USH2A: variants seen among roughly 807,000 people sequenced by gnomAD.
USH2A encodes Usher syndrome 2A (autosomal recessive, mild).
USH2A carries 443 observed loss-of-function variants against 538.9 expected under a neutral mutation model. That is an observed-to-expected ratio of 0.82 (90% CI 0.76 to 0.89). The LOEUF (loss-of-function observed/expected upper bound fraction) is 0.89. USH2A is among the 40% of genes least tolerant of loss of function. The pLI is 0.00. For synonymous variants in USH2A, 2,413 were observed against 2,273.5 expected, an observed-to-expected ratio of 1.06 and a Z score of -1.75; for missense variants, 6,633 against 6,324.8, an observed-to-expected ratio of 1.05 and a Z score of -1.65.
At position 216,246,671 on chromosome 1, in the gene USH2A, A is replaced by G; in HGVS notation, c.2723T>C (p.Leu908Ser). 3.7e-6 allele frequency: 6 copies of G among 1,614,138 alleles called. No individual in the cohort carries two copies. Among genetic ancestry groups the G allele is most frequent in the Non-Finnish European group, 5.1e-6 (6 of 1,179,982 alleles). ...QMCECDSLGT[L>S]PGTICDPISG... Reference sequence around the variant, plus strand: ...GATTGGGTCACAAATGGTCCCAGGTAATGTCCCCAAGGAATCACACTCACA... The same window carrying G: ...GATTGGGTCACAAATGGTCCCAGGTGATGTCCCCAAGGAATCACACTCACA... Residue 908 changes from leucine to serine, a missense_variant, in exon 13 of 72, where the codon TTA becomes TCA. Physicochemically the swap from Leu to Ser is moderately radical, Grantham distance 145. Coordinates refer to ENST00000307340, the MANE Select transcript of USH2A (RefSeq NM_206933.4).
At chr1:216,287,548 C>G (rs1375466062) in intron 11 of USH2A, among the ~76,000 whole-genome samples, 1 of 150,984 alleles carries the variant, frequency 6.6e-6, no homozygotes, top group Non-Finnish European at 1.5e-5. Context: ...TTTTCTTAGT[C>G]AGTTGTTAAT....
rs555196227 is a variant in USH2A, at chr1:216,343,234, T to C, written c.785-15580A>G. ...AAAAAATTCTAATATGATATCAAAG[T>C]AATAATCCTCATTATTTTCAAAACA... On this transcript the variant is annotated intron_variant, in intron 4 of 71. Coordinates refer to ENST00000307340, the MANE Select transcript of USH2A (RefSeq NM_206933.4). Among the ~76,000 whole-genome samples, 138 of 152,034 alleles carry C rather than the reference T, an allele frequency of 9.1e-4. 1 individual carries two copies. Among genetic ancestry groups the C allele is most frequent in the African/African-American group, 3.2e-3 (132 of 41,514 alleles).
intron 3 of USH2A, among the ~76,000 whole-genome samples, chr1:216,391,930 A>T (rs140037302): frequency 6.6e-6 from 1 of 152,114 alleles, no homozygotes; most frequent in African/African-American, 2.4e-5. Context: ...ACTGCTTGTG[A>T]TGCTCTGCTT....
chr1:215,895,412 A>G (rs745922231), intron 40 of USH2A, among the ~76,000 whole-genome samples: 7 of 152,188 alleles, frequency 4.6e-5, no homozygotes, highest in Non-Finnish European at 1.0e-4. Context: ...CAAGAAGGAA[A>G]ACTTCACAGA....
Position 216,070,124 on chromosome 1 carries a change from A to G in USH2A, c.6026T>C (p.Phe2009Ser). The G allele has an allele frequency of 6.2e-7, 1 of 1,613,946 alleles. No homozygotes were observed. The highest frequency in any genetic ancestry group is 8.5e-7 in the Non-Finnish European group (1 of 1,179,904). Residue 2009 changes from phenylalanine to serine, a missense_variant, in exon 30 of 72, where the codon TTT (phenylalanine) becomes TCT (serine). Physicochemically the swap from Phe to Ser is radical, Grantham distance 155. Transcript: ENST00000307340. Reference sequence around the variant, plus strand: ...ACCTGTGAGGTTGCTTGTATTGACAAATTCAGCACTGGCAGAGGGCATGCG... The same window carrying G: ...ACCTGTGAGGTTGCTTGTATTGACAGATTCAGCACTGGCAGAGGGCATGCG... ...PPRMPSASAE[F>S]VNTSNLTGIL...
intron 37 of USH2A, among the ~76,000 whole-genome samples, chr1:215,939,040 G>T (rs11120698): frequency 0.52 from 79,214 of 151,922 alleles, 21,385 homozygotes; most frequent in East Asian, 0.68. Flanking sequence ...TCTCCTTATA[G>T]GCTACAAAAT....
At chr1:215,798,232 A>G (rs185655080) in intron 50 of USH2A, among the ~76,000 whole-genome samples, 2 of 152,180 alleles carry the variant, frequency 1.3e-5, no homozygotes, top group African/African-American at 4.8e-5. Context: ...GATGGAATCT[A>G]TGCCTGGTGA....
chr1:215,889,169 A>G, intron 40 of USH2A, 115 bp from the exon 41 acceptor site: 1 of 1,229,678 alleles, frequency 8.1e-7, no homozygotes, highest in Non-Finnish European at 1.1e-6. Context: ...CACTTGGTAA[A>G]GGCCAATAAG....
At chr1:216,053,454 C>CTTTTT (rs34981846) in intron 30 of USH2A, among the ~76,000 whole-genome samples, 1 of 111,182 alleles carries the variant, frequency 9.0e-6, no homozygotes, top group African/African-American at 3.3e-5. Flanking sequence ...CCAGAGAAGT[C>CTTTTT]TTTTTTTTTT....
intron 32 of USH2A, among the ~76,000 whole-genome samples, chr1:216,034,687 A>C (rs773447094): frequency 5.9e-5 from 9 of 152,108 alleles, no homozygotes; most frequent in Non-Finnish European, 1.2e-4. Context: ...CCACTGACTG[A>C]CAGACACCTG....
chr1:215,751,455 G>T (rs1022605616), intron 58 of USH2A, among the ~76,000 whole-genome samples: 1 of 151,970 alleles, frequency 6.6e-6, no homozygotes, highest in Non-Finnish European at 1.5e-5. Context: ...CATGATTAAG[G>T]GCTAGAACAG....
intron 11 of USH2A, among the ~76,000 whole-genome samples, chr1:216,285,819 G>T (rs1308093133): frequency 1.3e-5 from 2 of 152,214 alleles, no homozygotes; most frequent in African/African-American, 2.4e-5. Flanking sequence ...AGATCATTTG[G>T]TAACTTTGAG....
chr1:216,072,863 A>G, intron 29 of USH2A, 26 bp downstream of exon 29: 1 of 1,581,794 alleles, frequency 6.3e-7, no homozygotes, highest in Non-Finnish European at 8.7e-7. Flanking sequence ...GTGTGTGCAC[A>G]TATGCATTTG....
chr1:216,231,546 A>G (rs1000327641), intron 14 of USH2A, among the ~76,000 whole-genome samples: 44 of 109,138 alleles, frequency 4.0e-4, no homozygotes, highest in Non-Finnish European at 8.1e-4. Flanking sequence ...ATCAATAACA[A>G]AAAAACACTT....
In USH2A at chr1:215,838,213, A is replaced by C. The variant is rs534870319; in HGVS notation, c.9259-110T>G. 1.9e-4 allele frequency: 171 copies of C among 884,372 alleles called. 1 individual carries two copies. The African/African-American group carries it at 2.4e-3, about 12-fold the overall frequency. The allele number at this position is 884,372 out of a possible 1,614,324, so 54.8% of individuals were successfully genotyped here. A position where few individuals can be genotyped will look rare whatever the true frequency, so the allele number is the denominator to read the frequency against. ...TCACATGAATCTCTTGTATTTCTCTATAGCCTCTTGAGGTTTAATCAATAT... is the reference window on the plus strand; with the variant it reads ...TCACATGAATCTCTTGTATTTCTCTCTAGCCTCTTGAGGTTTAATCAATAT... On this transcript the variant is annotated intron_variant, in intron 46 of 71. Coordinates refer to ENST00000307340, the MANE Select transcript of USH2A (RefSeq NM_206933.4).
At chr1:216,350,410 G>T (rs1571728981) in intron 4 of USH2A, among the ~76,000 whole-genome samples, 1 of 152,026 alleles carries the variant, frequency 6.6e-6, no homozygotes, top group African/African-American at 2.4e-5. Context: ...CTGAGACAAG[G>T]CAATTCCCTT....
At position 215,759,783 on chromosome 1, in the gene USH2A, C is replaced by T. The variant is rs1660925358; in HGVS notation, c.11108G>A (p.Ser3703Asn). ...INSTTVELYWSLPEKPNGLVS... is the reference protein window; with the variant it reads ...INSTTVELYWNLPEKPNGLVS... The stretch of plus-strand genomic sequence containing the variant: ...GAGGCCATTGGGCTTTTCTGGCAGA[C>T]TCCAATATAATTCCACTGTTGTAGA... Residue 3703 changes from serine to asparagine, a missense_variant, in exon 57 of 72, where the codon AGT (serine) becomes AAT (asparagine). Ser to Asn is a conservative substitution (Grantham distance 46). Transcript: ENST00000307340. 1 of 1,614,032 alleles carries T rather than the reference C, an allele frequency of 6.2e-7. No homozygotes were observed. Among genetic ancestry groups the T allele is most frequent in the Non-Finnish European group, 8.5e-7 (1 of 1,179,962 alleles).
At chr1:216,301,427 A>C (rs1382114198) in intron 9 of USH2A, among the ~76,000 whole-genome samples, 8 of 152,144 alleles carry the variant, frequency 5.3e-5, no homozygotes, top group African/African-American at 1.9e-4. Flanking sequence ...GTAGGTACTC[A>C]ATTTATATAT....
At chr1:215,732,944 T>C (rs1261724155) in intron 60 of USH2A, among the ~76,000 whole-genome samples, 4 of 152,162 alleles carry the variant, frequency 2.6e-5, no homozygotes, top group African/African-American at 9.7e-5. Context: ...AAATAAGAGT[T>C]ATCATATCCT....
Sources: allele counts gnomAD v4.1 joint callset (sites outside exome capture counted in the v4.1 genomes callset), GRCh38; gene constraint gnomAD v4.1.1; transcripts MANE v1.5; gene names NCBI Gene and HGNC (gene_info 2026-07-23, HGNC 2026-07-21).